The following ZDHHC17 variants were observed in gnomAD, a reference collection of about 807,000 sequenced individuals.
ZDHHC17 encodes palmitoyltransferase ZDHHC17.
ZDHHC17 carries 40 observed loss-of-function variants against 90.3 expected under a neutral mutation model. That is an observed-to-expected ratio of 0.44 (90% CI 0.34 to 0.58). The LOEUF is 0.58. Ranked by LOEUF, ZDHHC17 falls within the 20% of genes least tolerant of loss-of-function variation. The pLI is 0.01. For missense variants in ZDHHC17, 614 were observed against 780.8 expected, an observed-to-expected ratio of 0.79 and a Z score of 2.55; for synonymous variants, 235 against 252.4, an observed-to-expected ratio of 0.93 and a Z score of 0.65.
At chr12:76,844,200 A>G (rs1297530518) in intron 12 of ZDHHC17, 3 of 152,190 alleles carry the variant, frequency 2.0e-5, no homozygotes, top group Admixed American at 6.5e-5. Flanking sequence ...TGTCAAATAC[A>G]TATTTGATGG....
intron 10 of ZDHHC17, among the ~76,000 whole-genome samples, chr12:76,829,237 T>TC (rs1440598676): frequency 6.6e-6 from 1 of 151,876 alleles, no homozygotes; most frequent in African/African-American, 2.4e-5. Context: ...GGTGAGTGGA[T>TC]CACGAGGTCA....
intron 10 of ZDHHC17, among the ~76,000 whole-genome samples, chr12:76,832,021 C>T (rs1459954790): frequency 6.6e-6 from 1 of 152,170 alleles, no homozygotes; most frequent in Non-Finnish European, 1.5e-5. Context: ...TAATTTAAAT[C>T]CCAATTATGC....
rs2137784649 is a variant in ZDHHC17 at position 76,826,916 on chromosome 12, G to T, written c.906G>T (p.Arg302=). 6.6e-7 allele frequency: 1 copy of T among 1,510,278 alleles called. No individual in the cohort carries two copies. Among genetic ancestry groups the T allele is most frequent in the Non-Finnish European group, 8.8e-7 (1 of 1,140,854 alleles). The allele number at this position is 1,510,278 out of a possible 1,614,324, so 93.6% of individuals were successfully genotyped here. ...LRKLKADKEF[R]QKVMLGTPFL... is the part of the protein sequence containing the mutation. The stretch of plus-strand genomic sequence containing the variant: ...TTTTTGTTTCTATACAGGAATTTCG[G>T]CAGAAAGTAATGTTAGGAACTCCTT... The change falls in exon 9 of 17, where the codon CGG becomes CGT. Residue 302 remains arginine, a synonymous_variant. Coordinates refer to ENST00000426126, the MANE Select transcript of ZDHHC17 (RefSeq NM_015336.4).
At chr12:76,774,241 C>A (rs1014252323) in intron 1 of ZDHHC17, among the ~76,000 whole-genome samples, 7 of 127,170 alleles carry the variant, frequency 5.5e-5, no homozygotes, top group Admixed American at 2.5e-4. Flanking sequence ...CAGAGTGAGA[C>A]CCTGTCTCAA....
intron 10 of ZDHHC17, among the ~76,000 whole-genome samples, chr12:76,836,341 A>G (rs1031604605): frequency 2.6e-4 from 6 of 23,122 alleles, no homozygotes; most frequent in African/African-American, 4.3e-4. Flanking sequence ...ACTCAATTGT[A>G]TATATATATA....
At chr12:76,814,789 A>C (rs1244837191) in intron 5 of ZDHHC17, among the ~76,000 whole-genome samples, 2 of 151,992 alleles carry the variant, frequency 1.3e-5, no homozygotes, top group African/African-American at 2.4e-5. Flanking sequence ...AGGAATAAAC[A>C]GTTTTGTCGT....
intron 7 of ZDHHC17, among the ~76,000 whole-genome samples, chr12:76,818,779 A>G (rs1243752094): frequency 6.6e-6 from 1 of 152,238 alleles, no homozygotes; most frequent in Non-Finnish European, 1.5e-5. Flanking sequence ...GTATCATGCA[A>G]TGCGATAATA....
intron 1 of ZDHHC17, among the ~76,000 whole-genome samples, chr12:76,787,517 A>G (rs1952702221): frequency 6.6e-6 from 1 of 152,222 alleles, no homozygotes. Context: ...GAAAAATAAT[A>G]GGAAATAAGG....
At chr12:76,803,398 A>C (rs886841875) in intron 2 of ZDHHC17, among the ~76,000 whole-genome samples, 2 of 151,704 alleles carry the variant, frequency 1.3e-5, no homozygotes, top group African/African-American at 4.8e-5. Flanking sequence ...AGGGAATATG[A>C]ATCATTCCTC....
chr12:76,781,794 G>A, intron 1 of ZDHHC17: 1 of 402,306 alleles, frequency 2.5e-6, no homozygotes. Flanking sequence ...TTCATGTAAT[G>A]TAATACCATT....
At chr12:76,827,846 C>T (rs1440061712) in intron 9 of ZDHHC17, among the ~76,000 whole-genome samples, 1 of 152,016 alleles carries the variant, frequency 6.6e-6, no homozygotes, top group African/African-American at 2.4e-5. Context: ...TGATTCTGTT[C>T]ATGTTTAATA....
At chr12:76,811,555 T>C (rs1022843241) in intron 5 of ZDHHC17, among the ~76,000 whole-genome samples, 4 of 152,144 alleles carry the variant, frequency 2.6e-5, no homozygotes, top group Non-Finnish European at 5.9e-5. Context: ...CTGTCAGTGC[T>C]TTTGGTACAA....
At chr12:76,765,987 C>G (rs1952426209) in intron 1 of ZDHHC17, among the ~76,000 whole-genome samples, 1 of 152,220 alleles carries the variant, frequency 6.6e-6, no homozygotes, top group Non-Finnish European at 1.5e-5. Context: ...CAGGCATGAG[C>G]CACCATGCCA....
At chr12:76,828,788 T>C (rs1953261482) in intron 10 of ZDHHC17, among the ~76,000 whole-genome samples, 1 of 152,124 alleles carries the variant, frequency 6.6e-6, no homozygotes, top group African/African-American at 2.4e-5. Flanking sequence ...TTATCCCCCT[T>C]TTCCCCCTTT....
rs184031885 is a variant in ZDHHC17, at chr12:76,791,286, C to T, written c.94-6148C>T. ...TTGGTTATATATTTTTATGCTTATGCCCTCTTTTTATTATGAACAATAAGC... is the reference window on the plus strand; with the variant it reads ...TTGGTTATATATTTTTATGCTTATGTCCTCTTTTTATTATGAACAATAAGC... On this transcript the variant is annotated intron_variant, in intron 1 of 16. Transcript: ENST00000426126. 2.1e-3 allele frequency among the ~76,000 whole-genome samples: 317 copies of T among 152,152 alleles called. 2 individuals are homozygous for T. The highest frequency in any genetic ancestry group is 7.3e-3 in the African/African-American group (304 of 41,500).
chr12:76,796,122 G>T (rs1386420125), intron 1 of ZDHHC17, among the ~76,000 whole-genome samples: 1 of 152,138 alleles, frequency 6.6e-6, no homozygotes, highest in Non-Finnish European at 1.5e-5. Flanking sequence ...AATGGCTAGA[G>T]TAAGCTAAAT....
At chr12:76,846,386 G>T (rs1953494929) in intron 13 of ZDHHC17, 1 of 525,750 alleles carries the variant, frequency 1.9e-6, no homozygotes, top group Admixed American at 3.4e-5. Context: ...GAACACCATT[G>T]TCATCATTAT....
At chr12:76,837,627 A>G (rs1349693218) in intron 10 of ZDHHC17, among the ~76,000 whole-genome samples, 1 of 152,192 alleles carries the variant, frequency 6.6e-6, no homozygotes. Context: ...AGGATGCAGT[A>G]TTTAAAATGG....
At chr12:76,768,617 G>A (rs935735745) in intron 1 of ZDHHC17, among the ~76,000 whole-genome samples, 1 of 152,208 alleles carries the variant, frequency 6.6e-6, no homozygotes, top group African/African-American at 2.4e-5. Flanking sequence ...GTCATTTAGA[G>A]TGGTTAGAAG....
Sources: gnomAD v4.1 joint callset for allele counts (sites outside exome capture counted in the v4.1 genomes callset) on GRCh38, gnomAD v4.1.1 for gene constraint, MANE v1.5 for transcripts, NCBI Gene and HGNC (gene_info 2026-07-23, HGNC 2026-07-21) for gene names.